The following TANGO6 variants were observed in gnomAD, a reference collection of about 807,000 sequenced individuals.
The protein encoded by TANGO6 is transport and golgi organization 6 homolog, also known as transport and Golgi organization protein 6 homolog.
In TANGO6, 90 loss-of-function variants were observed where a neutral mutation model predicts 114.2. The observed-to-expected ratio is 0.79, with a 90% CI of 0.66 to 0.94. The LOEUF (loss-of-function observed/expected upper bound fraction) is 0.94, where lower values mean the gene tolerates loss of function less well. Among genes scored for constraint, TANGO6 ranks in the 40% least tolerant of loss-of-function variants. The pLI is 0.00. For synonymous variants in TANGO6, 477 were observed against 509.8 expected (o/e 0.94, Z 0.87); for missense variants, 1,274 against 1,315.3 (o/e 0.97, Z 0.49).
chr16:69,001,698 A>C (rs1015641636), intron 15 of TANGO6, among the ~76,000 whole-genome samples: 1 of 152,220 alleles, frequency 6.6e-6, no homozygotes, highest in Non-Finnish European at 1.5e-5. Context: ...CTAAAAAGAA[A>C]GGAACACCAT....
At chr16:69,082,858 C>A (rs375171708) in intron 17 of TANGO6, among the ~76,000 whole-genome samples, 1 of 152,204 alleles carries the variant, frequency 6.6e-6, no homozygotes, top group East Asian at 1.9e-4. Context: ...GCTCTGGGAG[C>A]AACCATATCT....
intron 17 of TANGO6, among the ~76,000 whole-genome samples, chr16:69,041,245 G>A (rs1392575403): frequency 2.0e-5 from 3 of 151,926 alleles, no homozygotes; most frequent in Non-Finnish European, 2.9e-5. Context: ...TCAGGAGTTC[G>A]AGACCAGCCT....
At chr16:69,042,200 G>C (rs1007782621) in intron 17 of TANGO6, among the ~76,000 whole-genome samples, 4 of 152,162 alleles carry the variant, frequency 2.6e-5, no homozygotes, top group African/African-American at 9.7e-5. Flanking sequence ...TGGATATTAG[G>C]GTGGCAACTA....
chr16:68,849,056 C>G (rs185502062), intron 1 of TANGO6, among the ~76,000 whole-genome samples: 93 of 152,220 alleles, frequency 6.1e-4, no homozygotes, highest in African/African-American at 2.2e-3. Context: ...AATTATGGGC[C>G]GAGTGCAGTG....
intron 14 of TANGO6, among the ~76,000 whole-genome samples, chr16:68,955,261 T>C (rs1259901173): frequency 6.6e-6 from 1 of 152,214 alleles, no homozygotes; most frequent in Non-Finnish European, 1.5e-5. Context: ...GTTTGTAAAG[T>C]GATTCAGTTT....
intron 15 of TANGO6, among the ~76,000 whole-genome samples, chr16:68,997,409 A>G (rs1402105716): frequency 1.3e-5 from 2 of 152,178 alleles, no homozygotes; most frequent in African/African-American, 4.8e-5. Context: ...AGGATTGGGG[A>G]GTTCTGGAAC....
intron 14 of TANGO6, among the ~76,000 whole-genome samples, chr16:68,962,930 A>G (rs899583446): frequency 1.5e-5 from 2 of 131,090 alleles, no homozygotes; most frequent in African/African-American, 3.2e-5. Flanking sequence ...TCAAAATATG[A>G]AAAAAAAAAA....
chr16:68,865,460 G>T (rs1962161589), intron 3 of TANGO6, among the ~76,000 whole-genome samples: 1 of 152,126 alleles, frequency 6.6e-6, no homozygotes, highest in Non-Finnish European at 1.5e-5. Flanking sequence ...AACTGAGATA[G>T]AAGAGCTGAG....
chr16:68,998,034 A>G (rs926339950), intron 15 of TANGO6, among the ~76,000 whole-genome samples: 1 of 152,226 alleles, frequency 6.6e-6, no homozygotes, highest in African/African-American at 2.4e-5. Flanking sequence ...TAAGTGTTCA[A>G]TTTAAGAAAA....
rs1311825741 is a variant in TANGO6, at chr16:69,083,617, T to A, written c.3241T>A (p.Phe1081Ile). ...GGATGACATCATGAAAAACTTCCTG[T>A]TCCCTCCACAGAAGCTGGAGAAGAA... The part of the protein sequence containing the change: ...ELDDIMKNFL[F>I]PPQKLEKKIM... The change falls in exon 18 of 18, where the codon TTC becomes ATC. Residue 1081 changes from phenylalanine (F) to isoleucine (I), a missense_variant. Coordinates refer to ENST00000261778, the MANE Select transcript of TANGO6 (RefSeq NM_024562.2). The A allele has an allele frequency of 6.3e-7, 1 of 1,579,294 alleles. No homozygotes were observed. Among genetic ancestry groups the A allele is most frequent in the South Asian group, 1.2e-5 (1 of 86,298 alleles).
chr16:68,924,016 G>A (rs1053233830), intron 12 of TANGO6, among the ~76,000 whole-genome samples: 1 of 152,116 alleles, frequency 6.6e-6, no homozygotes, highest in Non-Finnish European at 1.5e-5. Flanking sequence ...TATCCTCTAG[G>A]TAATCCAGTC....
intron 15 of TANGO6, among the ~76,000 whole-genome samples, chr16:69,008,096 CTT>C (rs1184744697): frequency 6.6e-6 from 1 of 151,466 alleles, no homozygotes; most frequent in Non-Finnish European, 1.5e-5. Context: ...TGTCTTTTCA[CTT>C]TTTTTAAAAA....
intron 7 of TANGO6, among the ~76,000 whole-genome samples, chr16:68,885,403 T>A (rs1016577844): frequency 6.6e-6 from 1 of 152,222 alleles, no homozygotes; most frequent in African/African-American, 2.4e-5. Flanking sequence ...TAGAATATTT[T>A]TGTTCCCCTT....
chr16:68,974,260 A>G (rs1278693947), intron 15 of TANGO6, 92 bp downstream of exon 15: 5 of 1,465,918 alleles, frequency 3.4e-6, no homozygotes, highest in Non-Finnish European at 3.8e-6. Context: ...TTGTTACACT[A>G]GTGTGGTGAG....
At chr16:68,993,993 G>A (rs915626119) in intron 15 of TANGO6, among the ~76,000 whole-genome samples, 8 of 152,192 alleles carry the variant, frequency 5.3e-5, no homozygotes, top group Non-Finnish European at 8.8e-5. Flanking sequence ...CACTAGGGTA[G>A]AGTCAGTTAT....
chr16:68,908,335 G>A (rs569368526), intron 10 of TANGO6, among the ~76,000 whole-genome samples: 3 of 152,148 alleles, frequency 2.0e-5, no homozygotes, highest in South Asian at 2.1e-4. Flanking sequence ...ACCCGTCCCC[G>A]TGCCCAGCAA....
chr16:68,914,958 TACACACACACACAC>T (rs3061679), intron 11 of TANGO6, among the ~76,000 whole-genome samples: 143 of 135,262 alleles, frequency 1.1e-3, no homozygotes, highest in South Asian at 8.2e-3. Flanking sequence ...TTTTGATATC[TACACACACACACAC>T]ACACACACAC....
At chr16:69,060,629 A>G (rs1960099718) in intron 17 of TANGO6, among the ~76,000 whole-genome samples, 1 of 151,666 alleles carries the variant, frequency 6.6e-6, no homozygotes, top group South Asian at 2.1e-4. Flanking sequence ...AAAAAGAGGC[A>G]TGGAACATTG....
chr16:68,854,794 T>A (rs1961959402), intron 1 of TANGO6, among the ~76,000 whole-genome samples: 1 of 152,074 alleles, frequency 6.6e-6, no homozygotes, highest in Non-Finnish European at 1.5e-5. Flanking sequence ...CTAACAGTCC[T>A]TATGCCAGTA....
Sources: allele counts gnomAD v4.1 joint callset (sites outside exome capture counted in the v4.1 genomes callset), GRCh38; gene constraint gnomAD v4.1.1; transcripts MANE v1.5; gene names NCBI Gene and HGNC (gene_info 2026-07-23, HGNC 2026-07-21).